Variants in CTNNA2 observed in about 807,000 individuals in gnomAD.
The protein encoded by CTNNA2 is catenin alpha-2.
CTNNA2 carries 42 observed loss-of-function variants against 101.0 expected under a neutral mutation model. That is an observed-to-expected ratio of 0.42 (90% CI 0.32 to 0.54). CTNNA2 has a LOEUF of 0.54. Ranked by LOEUF, CTNNA2 falls within the 20% of genes least tolerant of loss-of-function variation. CTNNA2 has a pLI of 0.14. For missense variants in CTNNA2, 871 were observed against 1,223.1 expected (o/e 0.71, Z 4.29); for synonymous variants, 450 against 456.4 (o/e 0.99, Z 0.18).
chr2:80,562,095 G>A (rs977419255), intron 12 of CTNNA2, among the ~76,000 whole-genome samples: 3 of 139,664 alleles, frequency 2.1e-5, no homozygotes, highest in Admixed American at 7.3e-5. Flanking sequence ...ATCTGGAGAA[G>A]CTGTCTATAA....
chr2:79,906,278 C>A (rs1352989781), intron 6 of CTNNA2, among the ~76,000 whole-genome samples: 1 of 151,394 alleles, frequency 6.6e-6, no homozygotes, highest in Non-Finnish European at 1.5e-5. Context: ...CAACCAGTGC[C>A]CATCTCATCC....
intron 7 of CTNNA2, among the ~76,000 whole-genome samples, chr2:80,166,351 G>T (rs1704694971): frequency 6.6e-6 from 1 of 152,258 alleles, no homozygotes; most frequent in East Asian, 1.9e-4. Context: ...ACTGGAGATT[G>T]ACTCAGTCAG....
rs79783093 is a variant in CTNNA2 at position 80,328,589 on chromosome 2, C to T, written c.1057-64622C>T. ...CTCAAGTGGCTTTGCTGGTTATGGG[C>T]AGCCTCAGCTCACAAAAGTTGATTA... On this transcript the variant is annotated intron_variant, in intron 7 of 18. Transcript: ENST00000402739. Among the ~76,000 whole-genome samples the T allele has an allele frequency of 4.8e-3, 734 of 152,286 alleles. 7 individuals are homozygous for T. Among genetic ancestry groups the T allele is most frequent in the African/African-American group, 0.016 (683 of 41,554 alleles).
chr2:79,525,809 G>T lies in CTNNA2; in HGVS notation c.-6+12602G>T, dbSNP rs184935618. On this transcript the variant is annotated intron_variant, in intron 1 of 18. Coordinates refer to ENST00000402739, the MANE Select transcript of CTNNA2 (RefSeq NM_001282597.3). ...ATCTAGTTTAAAAATTTGGTTAACTGCCTTTTCTTAAAGAATTATACCATA... is the reference window on the plus strand; with the variant it reads ...ATCTAGTTTAAAAATTTGGTTAACTTCCTTTTCTTAAAGAATTATACCATA... Among the ~76,000 whole-genome samples, 93 of 151,948 alleles carry T rather than the reference G, an allele frequency of 6.1e-4. 1 individual carries two copies. Among genetic ancestry groups the T allele is most frequent in the Non-Finnish European group, 7.2e-4 (49 of 67,866 alleles).
chr2:80,507,114 G>T (rs1252914063), intron 9 of CTNNA2, among the ~76,000 whole-genome samples: 2 of 152,152 alleles, frequency 1.3e-5, no homozygotes, highest in African/African-American at 4.8e-5. Context: ...ACTTGTTAGG[G>T]TACCATGGCA....
At chr2:79,639,264 A>G (rs770828292) in intron 1 of CTNNA2, among the ~76,000 whole-genome samples, 1 of 152,220 alleles carries the variant, frequency 6.6e-6, no homozygotes, top group Non-Finnish European at 1.5e-5. Context: ...AATATTAAGC[A>G]TGTCTAATTC....
chr2:80,511,416 A>T (rs1688693171), intron 9 of CTNNA2, among the ~76,000 whole-genome samples: 1 of 152,356 alleles, frequency 6.6e-6, no homozygotes, highest in African/African-American at 2.4e-5. Context: ...TCATGGTTAT[A>T]GGTGAGTTCA....
chr2:80,206,092 A>G (rs1376956681), intron 7 of CTNNA2, among the ~76,000 whole-genome samples: 2 of 152,124 alleles, frequency 1.3e-5, no homozygotes, highest in African/African-American at 2.4e-5. Flanking sequence ...CTGACTCACC[A>G]TTGCCTTTTT....
At chr2:80,313,401 T>C (rs544579472) in intron 7 of CTNNA2, 2 of 1,371,860 alleles carry the variant, frequency 1.5e-6, no homozygotes, top group Admixed American at 6.9e-5. Flanking sequence ...AGATAAAATG[T>C]GGTGCCTACC....
intron 4 of CTNNA2, among the ~76,000 whole-genome samples, chr2:79,407,126 T>C (rs1483675646): frequency 1.3e-5 from 2 of 152,086 alleles, no homozygotes; most frequent in Non-Finnish European, 2.9e-5. Context: ...TGCTTCAGGA[T>C]GGTCAAGTTT....
chr2:79,338,798 G>A (rs1485163573), intron 3 of CTNNA2, among the ~76,000 whole-genome samples: 1 of 152,086 alleles, frequency 6.6e-6, no homozygotes, highest in East Asian at 1.9e-4. Flanking sequence ...ATATCTGGGA[G>A]TGGTAAAATC....
intron 7 of CTNNA2, among the ~76,000 whole-genome samples, chr2:80,230,493 A>G (rs544281450): frequency 1.6e-4 from 25 of 152,168 alleles, no homozygotes; most frequent in African/African-American, 6.0e-4. Context: ...TCATCTAGGA[A>G]TCCAGGTGTA....
intron 3 of CTNNA2, among the ~76,000 whole-genome samples, chr2:79,804,701 A>C (rs1437001039): frequency 6.6e-6 from 1 of 152,130 alleles, no homozygotes; most frequent in Non-Finnish European, 1.5e-5. Context: ...ATAAGTTTAG[A>C]TATTGAAAAG....
At chr2:80,628,181 A>G (rs989469510) in intron 18 of CTNNA2, among the ~76,000 whole-genome samples, 4 of 152,122 alleles carry the variant, frequency 2.6e-5, no homozygotes, top group Non-Finnish European at 4.4e-5. Flanking sequence ...GAAAATGGCC[A>G]TCATGCCCAA....
chr2:80,130,711 G>A (rs1476916314), intron 7 of CTNNA2, among the ~76,000 whole-genome samples: 1 of 151,880 alleles, frequency 6.6e-6, no homozygotes, highest in Non-Finnish European at 1.5e-5. Context: ...TAAGTAAACA[G>A]CAAATCTGCT....
At chr2:79,407,088 G>T (rs1019559484) in intron 4 of CTNNA2, among the ~76,000 whole-genome samples, 1 of 151,924 alleles carries the variant, frequency 6.6e-6, no homozygotes, top group African/African-American at 2.4e-5. Flanking sequence ...TATTTATTCC[G>T]TCCCAATGTA....
At chr2:79,989,743 A>G (rs546896914) in intron 7 of CTNNA2, among the ~76,000 whole-genome samples, 1 of 152,258 alleles carries the variant, frequency 6.6e-6, no homozygotes, top group Admixed American at 6.5e-5. Flanking sequence ...TTCCTTATAA[A>G]TTTCTTTGTT....
In CTNNA2 at chr2:79,752,865, A is replaced by G. The variant is rs558119489; in HGVS notation, c.298+8283A>G. Among the ~76,000 whole-genome samples, 8 of 152,336 alleles carry G rather than the reference A, an allele frequency of 5.3e-5. No individual in the cohort carries two copies. In the South Asian group the frequency reaches 8.3e-4, roughly 16 times the overall value. On this transcript the variant is annotated intron_variant, in intron 3 of 18. Coordinates refer to ENST00000402739, the MANE Select transcript of CTNNA2 (RefSeq NM_001282597.3). ...AGGGTATATATGAAGAGAAGGAGCC[A>G]TAATTATAATACAAAGAAAGACAGT...
At chr2:80,128,624 C>T (rs1375275016) in intron 7 of CTNNA2, among the ~76,000 whole-genome samples, 2 of 152,146 alleles carry the variant, frequency 1.3e-5, no homozygotes, top group Non-Finnish European at 2.9e-5. Context: ...CCAATTAAAC[C>T]CACAAAGATC....
Sources: gnomAD v4.1 joint callset for allele counts (sites outside exome capture counted in the v4.1 genomes callset) on GRCh38, gnomAD v4.1.1 for gene constraint, MANE v1.5 for transcripts, NCBI Gene and HGNC (gene_info 2026-07-23, HGNC 2026-07-21) for gene names.